DHRS4L2: variants seen among roughly 807,000 people sequenced by gnomAD.
The protein encoded by DHRS4L2 is dehydrogenase/reductase 4 like 2, also known as dehydrogenase/reductase SDR family member 4-like 2.
A neutral mutation model predicts 23.9 loss-of-function variants in DHRS4L2; 22 were observed. The observed-to-expected ratio is 0.92, with a 90% CI of 0.66 to 1.31. The LOEUF (loss-of-function observed/expected upper bound fraction) is 1.31. Among genes scored for constraint, DHRS4L2 ranks in the 40% most tolerant of loss-of-function variants. The probability of loss-of-function intolerance (pLI) is 0.00; values close to 1 mark genes in which losing one functional copy is unlikely to be tolerated. For synonymous variants in DHRS4L2, 141 were observed against 123.7 expected (o/e 1.14, Z -0.93); for missense variants, 385 against 303.3 (o/e 1.27, Z -2.00).
intron 5 of DHRS4L2, 84 bp from the exon 6 acceptor site, chr14:24,001,300 C>T (rs62000760): frequency 0.037 from 57,184 of 1,551,408 alleles, 3,877 homozygotes; most frequent in African/African-American, 0.18. Flanking sequence ...GAGATCCCTA[C>T]TGAGCACTGC....
chr14:24,001,979 T>A (rs2034499486), intron 6 of DHRS4L2, among the ~76,000 whole-genome samples: 2 of 59,350 alleles, frequency 3.4e-5, no homozygotes, highest in Non-Finnish European at 5.0e-5. Flanking sequence ...TTTTTCTTTT[T>A]TAATTATTAT....
chr14:23,974,408 C>A (rs1236888497), intron 1 of DHRS4L2, among the ~76,000 whole-genome samples: 2 of 151,038 alleles, frequency 1.3e-5, no homozygotes, highest in South Asian at 2.1e-4. Flanking sequence ...CAGAGCAGAA[C>A]TGAAGGTGAT....
At chr14:23,985,868 C>A (rs2034131317), upstream of DHRS4L2, among the ~76,000 whole-genome samples, 1 of 151,398 alleles carries the variant, frequency 6.6e-6, no homozygotes, top group Non-Finnish European at 1.5e-5. Flanking sequence ...GCACATGCCA[C>A]CAGGCATGTA....
At chr14:23,973,117 T>A (rs190416515) in intron 1 of DHRS4L2, among the ~76,000 whole-genome samples, 1 of 151,896 alleles carries the variant, frequency 6.6e-6, no homozygotes, top group African/African-American at 2.4e-5. Context: ...GAGGCTTTCC[T>A]CTTTTACTAA....
At chr14:23,983,408 T>C (rs1368197085) in intron 1 of DHRS4L2, among the ~76,000 whole-genome samples, 3 of 151,606 alleles carry the variant, frequency 2.0e-5, no homozygotes, top group African/African-American at 7.3e-5. Flanking sequence ...TGTGGAGAAA[T>C]AGGAACACTT....
chr14:23,984,666 G>A (rs867479095), upstream of DHRS4L2, among the ~76,000 whole-genome samples: 5 of 151,148 alleles, frequency 3.3e-5, 1 homozygote, highest in Middle Eastern at 6.8e-3. Flanking sequence ...GAGGTGTTGT[G>A]CTAGCTCACC....
chr14:23,973,410 A>G (rs554591218), intron 1 of DHRS4L2, among the ~76,000 whole-genome samples: 9 of 152,042 alleles, frequency 5.9e-5, no homozygotes, highest in African/African-American at 1.9e-4. Context: ...CTCCAGTCTC[A>G]GCCAGCCCAG....
upstream of DHRS4L2, among the ~76,000 whole-genome samples, chr14:23,988,569 G>C (rs1454462338): frequency 4.6e-5 from 7 of 151,386 alleles, no homozygotes; most frequent in African/African-American, 1.5e-4. Context: ...GAATTCTGAA[G>C]AAGCAAAAGC....
chr14:23,982,859 TATTAA>T lies in DHRS4L2; in HGVS notation c.-175-7317_-175-7313del, dbSNP rs553688568. Among the ~76,000 whole-genome samples, 6 of 151,810 alleles carry T rather than the reference TATTAA, an allele frequency of 4.0e-5. 1 individual carries two copies. Among genetic ancestry groups the T allele is most frequent in the African/African-American group, 1.2e-4 (5 of 41,432 alleles). On this transcript the variant is annotated intron_variant, in intron 1 of 5. Transcript: ENST00000534993. ...AAATTAACTCAATTTTATTATGTTGTATTAAATTAAGTTGGGTTTAATTAAGATGG... is the reference window on the plus strand; with the variant it reads ...AAATTAACTCAATTTTATTATGTTGTATTAAGTTGGGTTTAATTAAGATGG...
intron 1 of DHRS4L2, among the ~76,000 whole-genome samples, chr14:23,976,965 G>T (rs200374463): frequency 0.047 from 7,126 of 151,778 alleles, 281 homozygotes; most frequent in East Asian, 0.15. Flanking sequence ...GGGCTGGGGG[G>T]CTGGGAGAGG....
rs557365197 is a variant in DHRS4L2, at chr14:23,990,705, G to A, written c.306+346G>A. On this transcript the variant is annotated intron_variant, in intron 2 of 7. Coordinates refer to ENST00000335125, the MANE Select transcript of DHRS4L2 (RefSeq NM_198083.4). ...CCTCTTCTTCAGCTTATAGAGTCAA[G>A]TCCCTGGGAACCTCAGGAAGCAGCC... The A allele has an allele frequency of 9.3e-5, 96 of 1,032,090 alleles. No homozygotes were observed. The African/African-American group carries it at 1.6e-3, about 17-fold the overall frequency. 63.9% of individuals were successfully genotyped at this position (1,032,090 alleles called of 1,614,324 possible).
At chr14:23,976,973 A>T (rs1333692164) in intron 1 of DHRS4L2, among the ~76,000 whole-genome samples, 1 of 151,732 alleles carries the variant, frequency 6.6e-6, no homozygotes, top group Non-Finnish European at 1.5e-5. Flanking sequence ...GGGCTGGGAG[A>T]GGGATAGCAT....
At chr14:24,005,823 C>T in intron 7 of DHRS4L2, 63 bp from the exon 8 acceptor site, 1 of 1,595,596 alleles carries the variant, frequency 6.3e-7, no homozygotes. Context: ...CTCCCCGTGT[C>T]CCAGGTGAGG....
At position 23,990,310 on chromosome 14, in the gene DHRS4L2, C is replaced by A. The variant is rs1172730103; in HGVS notation, c.257C>A (p.Thr86Asn). ...LQGEGLSVTG[T>N]VCHVGKAEDR... ...GGGGAGGGGCTGAGCGTGACGGGCACTGTGTGCCATGTGGGGAAGGCGGAG... is the reference window on the plus strand; with the variant it reads ...GGGGAGGGGCTGAGCGTGACGGGCAATGTGTGCCATGTGGGGAAGGCGGAG... The change falls in exon 2 of 8, where the codon ACT becomes AAT. Residue 86 changes from threonine to asparagine, a missense_variant. Physicochemically the swap from Thr to Asn is moderately conservative, Grantham distance 65. Coordinates refer to ENST00000335125, the MANE Select transcript of DHRS4L2 (RefSeq NM_198083.4). The A allele has an allele frequency of 6.2e-7, 1 of 1,612,130 alleles. No individual in the cohort carries two copies. The highest frequency in any genetic ancestry group is 2.2e-5 in the East Asian group (1 of 44,846).
upstream of DHRS4L2, among the ~76,000 whole-genome samples, chr14:23,985,202 A>G (rs1477277546): frequency 2.6e-5 from 4 of 151,786 alleles, 1 homozygote; most frequent in Non-Finnish European, 5.9e-5. Context: ...CTGTTTGATC[A>G]TATAGCCTTC....
chr14:23,984,645 A>G (rs2034108157), upstream of DHRS4L2, among the ~76,000 whole-genome samples: 1 of 151,064 alleles, frequency 6.6e-6, no homozygotes, highest in Admixed American at 6.6e-5. Flanking sequence ...AAATACAAAA[A>G]TTAGCTGAGC....
At position 23,992,143 on chromosome 14, in the gene DHRS4L2, A is replaced by AGAGAAAGATGG. The variant is rs2034283540; in HGVS notation, c.306+1785_306+1795dup. 2.6e-5 allele frequency among the ~76,000 whole-genome samples: 4 copies of AGAGAAAGATGG among 151,706 alleles called. 1 individual carries two copies. In the South Asian group the frequency reaches 8.4e-4, roughly 32 times the overall value. ...AAGAAGCCATGTGAGGTTTTGAGCA[A>AGAGAAAGATGG]GAGAAAGATGGTTATTAGGAAAGCT... On this transcript the variant is annotated intron_variant, in intron 2 of 7. Coordinates refer to ENST00000335125, the MANE Select transcript of DHRS4L2 (RefSeq NM_198083.4).
Position 24,001,408 on chromosome 14 carries a change from A to G in DHRS4L2, c.556A>G (p.Lys186Glu). 6.2e-7 allele frequency: 1 copy of G among 1,607,944 alleles called. No individual in the cohort carries two copies. Among genetic ancestry groups the G allele is most frequent in the Non-Finnish European group, 8.5e-7 (1 of 1,179,364 alleles). ...SPGFSPYNVS[K>E]TALLGLNNTL... ...GGGCTTCAGTCCTTACAATGTCAGT[A>G]AAACAGCCTTGCTGGGCCTCAACAA... The change falls in exon 6 of 8, where the codon AAA becomes GAA. Residue 186 changes from lysine to glutamate, a missense_variant. Coordinates refer to ENST00000335125, the MANE Select transcript of DHRS4L2 (RefSeq NM_198083.4).
upstream of DHRS4L2, among the ~76,000 whole-genome samples, chr14:23,985,314 A>T (rs1183973520): frequency 6.6e-6 from 1 of 151,672 alleles, no homozygotes; most frequent in Non-Finnish European, 1.5e-5. Flanking sequence ...TCTAAAAAGC[A>T]CTTAACACTT....
Sources: allele counts gnomAD v4.1 joint callset (sites outside exome capture counted in the v4.1 genomes callset), GRCh38; gene constraint gnomAD v4.1.1; transcripts MANE v1.5; gene names NCBI Gene and HGNC (gene_info 2026-07-23, HGNC 2026-07-21).